SLC7A2: variants seen among roughly 807,000 people sequenced by gnomAD.
The protein encoded by SLC7A2 is cationic amino acid transporter 2.
In SLC7A2, 48 loss-of-function variants were observed where a neutral mutation model predicts 58.9. The ratio of observed to expected loss-of-function variants is 0.82; its 90% confidence interval spans 0.65 to 1.04. The LOEUF (loss-of-function observed/expected upper bound fraction) is 1.04, where lower values mean the gene tolerates loss of function less well. Among genes scored for constraint, SLC7A2 ranks in the 50% least tolerant of loss-of-function variants. The pLI is 0.00. For missense variants in SLC7A2, 1,029 were observed against 818.8 expected, an observed-to-expected ratio of 1.26 and a Z score of -3.13; for synonymous variants, 363 against 314.5, an observed-to-expected ratio of 1.15 and a Z score of -1.63.
intron 6 of SLC7A2, among the ~76,000 whole-genome samples, chr8:17,551,427 A>T (rs1802444375): frequency 6.6e-6 from 1 of 152,062 alleles, no homozygotes; most frequent in South Asian, 2.1e-4. Flanking sequence ...GGTGCAAACC[A>T]TCTCTACTAA....
chr8:17,554,848 G>A (rs1037669347), intron 8 of SLC7A2, 149 bp downstream of exon 8: 50 of 1,473,370 alleles, frequency 3.4e-5, no homozygotes, highest in Non-Finnish European at 4.6e-5. Flanking sequence ...GAATTTTTTG[G>A]TTCTGCATTT....
chr8:17,516,257 G>T (rs62497989), intron 2 of SLC7A2, among the ~76,000 whole-genome samples: 1 of 150,912 alleles, frequency 6.6e-6, no homozygotes, highest in African/African-American at 2.4e-5. Context: ...ATGGAATCTC[G>T]CTCTGTCGCC....
Position 17,566,957 on chromosome 8 carries a change from G to A in SLC7A2, c.*1811G>A, listed in dbSNP as rs1271351543. ...TATTGATGCCATTAAAAAGCAAGTT[G>A]CGATGGTTTTGTATAGCCAGGAGTT... is the stretch of plus-strand genomic sequence containing the variant. On this transcript the variant is annotated 3_prime_UTR_variant, in exon 13 of 13. Coordinates refer to ENST00000494857, the MANE Select transcript of SLC7A2 (RefSeq NM_001370338.1). 1 of 152,702 alleles carries A rather than the reference G, an allele frequency of 6.5e-6. No individual in the cohort carries two copies. The highest frequency in any genetic ancestry group is 6.5e-5 in the Admixed American group (1 of 15,284). 9.5% of individuals were successfully genotyped at this position (152,702 alleles called of 1,614,324 possible).
intron 2 of SLC7A2, among the ~76,000 whole-genome samples, chr8:17,542,446 T>C (rs1449036913): frequency 6.6e-6 from 1 of 152,124 alleles, no homozygotes; most frequent in Non-Finnish European, 1.5e-5. Flanking sequence ...AGCCCATGAA[T>C]TCAAGACCAG....
chr8:17,538,886 C>T, intron 2 of SLC7A2: 1 of 1,613,744 alleles, frequency 6.2e-7, no homozygotes, highest in South Asian at 1.1e-5. Flanking sequence ...TTTATTGGAA[C>T]ACCTGCCCCA....
At position 17,569,657 on chromosome 8, in the gene SLC7A2, T is replaced by C. The variant is rs542876251; in HGVS notation, c.*4511T>C. On this transcript the variant is annotated 3_prime_UTR_variant, in exon 13 of 13. Coordinates refer to ENST00000494857, the MANE Select transcript of SLC7A2 (RefSeq NM_001370338.1). ...TTATTGTTGTGGTTGTTGGTGTTTGTAATATTCATTATTGTTTGTATATAC... is the reference window on the plus strand; with the variant it reads ...TTATTGTTGTGGTTGTTGGTGTTTGCAATATTCATTATTGTTTGTATATAC... 9.8e-5 allele frequency: 15 copies of C among 152,344 alleles called. No homozygotes were observed. Among genetic ancestry groups the C allele is most frequent in the Admixed American group, 2.6e-4 (4 of 15,298 alleles). The allele number at this position is 152,344 out of a possible 1,614,324, so 9.4% of individuals were successfully genotyped here.
chr8:17,543,449 T>C lies in SLC7A2; in HGVS notation c.110T>C (p.Met37Thr). 3 of 1,614,152 alleles carry C rather than the reference T, an allele frequency of 1.9e-6. No individual in the cohort carries two copies. Among genetic ancestry groups the C allele is most frequent in the Non-Finnish European group, 2.5e-6 (3 of 1,180,036 alleles). Reference protein sequence around the residue: ...DTKLCRCLSTMDLIALGVGST... With the variant: ...DTKLCRCLSTTDLIALGVGST... ...AAATTATGCCGCTGCTTATCCACCA[T>C]GGACCTCATTGCCCTGGGCGTTGGA... Residue 37 changes from methionine to threonine, a missense_variant, in exon 3 of 13, where the codon ATG (methionine) becomes ACG (threonine). Transcript: ENST00000494857.
chr8:17,518,618 CAACAA>C (rs146231875), intron 2 of SLC7A2, among the ~76,000 whole-genome samples: 105,318 of 151,494 alleles, frequency 0.7, 38,384 homozygotes, highest in Non-Finnish European at 0.8. Context: ...TCAGTGGCCA[CAACAA>C]AACAAAACCA....
chr8:17,532,380 T>G (rs1362446578), intron 2 of SLC7A2, among the ~76,000 whole-genome samples: 1 of 151,728 alleles, frequency 6.6e-6, no homozygotes, highest in Non-Finnish European at 1.5e-5. Flanking sequence ...TCCCCTCCTG[T>G]GTGTGCCAGT....
In SLC7A2 at chr8:17,530,472, G is replaced by C. The variant is rs74397582; in HGVS notation, c.-22-12846G>C. The stretch of plus-strand genomic sequence containing the variant: ...GAATAGCAACATGCAGGGCTAGAAA[G>C]CCAGGCTGGGGCCAGGTCACAGAGG... On this transcript the variant is annotated intron_variant, in intron 2 of 12. Coordinates refer to ENST00000494857, the MANE Select transcript of SLC7A2 (RefSeq NM_001370338.1). Among the ~76,000 whole-genome samples, 1,361 of 152,280 alleles carry C rather than the reference G, an allele frequency of 8.9e-3. 23 individuals carry two copies. The highest frequency in any genetic ancestry group is 0.031 in the African/African-American group (1,293 of 41,562).
chr8:17,569,942 G>A lies in SLC7A2; in HGVS notation c.*4796G>A, dbSNP rs1313220689. 1 of 152,204 alleles carries A rather than the reference G, an allele frequency of 6.6e-6. No individual in the cohort carries two copies. Among genetic ancestry groups the A allele is most frequent in the African/African-American group, 2.4e-5 (1 of 41,436 alleles). 9.4% of individuals were successfully genotyped at this position (152,204 alleles called of 1,614,324 possible). A position where few individuals can be genotyped will look rare whatever the true frequency, so the allele number is the denominator to read the frequency against. ...GCTACCCTTGTTGGGTGGGCTCTTA[G>A]ACTGATGGGGTAGGATATGAAGTGA... On this transcript the variant is annotated 3_prime_UTR_variant, in exon 13 of 13. Transcript: ENST00000494857.
Position 17,521,570 on chromosome 8 carries a change from C to A in SLC7A2, c.-23+19268C>A, listed in dbSNP as rs10106385. 5.2e-3 allele frequency among the ~76,000 whole-genome samples: 793 copies of A among 152,318 alleles called. 9 individuals are homozygous for A. The highest frequency in any genetic ancestry group is 0.018 in the African/African-American group (768 of 41,556). On this transcript the variant is annotated intron_variant, in intron 2 of 12. Transcript: ENST00000494857. Reference sequence around the variant, plus strand: ...GGAATTCCATCCTGGATCAGACCACCCAGTGAAGACAGCCGTGGCAGGAGC... The same window carrying A: ...GGAATTCCATCCTGGATCAGACCACACAGTGAAGACAGCCGTGGCAGGAGC...
At chr8:17,539,258 T>C (rs2150730324) in intron 2 of SLC7A2, among the ~76,000 whole-genome samples, 1 of 152,290 alleles carries the variant, frequency 6.6e-6, no homozygotes, top group East Asian at 1.9e-4. Context: ...ATTTAGCTTT[T>C]TGGCAAGAAT....
chr8:17,501,474 T>C (rs897263008), intron 1 of SLC7A2, among the ~76,000 whole-genome samples: 2 of 152,202 alleles, frequency 1.3e-5, no homozygotes, highest in Non-Finnish European at 1.5e-5. Context: ...GTCTCTTATT[T>C]AGACTTTTAG....
chr8:17,520,221 T>C (rs1800959468), intron 2 of SLC7A2, among the ~76,000 whole-genome samples: 1 of 152,310 alleles, frequency 6.6e-6, no homozygotes, highest in African/African-American at 2.4e-5. Context: ...ACTTTTTTAT[T>C]GTGACATATG....
intron 2 of SLC7A2, among the ~76,000 whole-genome samples, chr8:17,530,483 G>A (rs1208444850): frequency 1.4e-4 from 22 of 152,210 alleles, no homozygotes; most frequent in Admixed American, 1.4e-3. Flanking sequence ...CCAGGCTGGG[G>A]CCAGGTCACA....
At chr8:17,523,871 A>C (rs1801115000) in intron 2 of SLC7A2, among the ~76,000 whole-genome samples, 1 of 152,190 alleles carries the variant, frequency 6.6e-6, no homozygotes, top group Admixed American at 6.5e-5. Flanking sequence ...CATCTGACAA[A>C]GGACTAATAT....
intron 7 of SLC7A2, among the ~76,000 whole-genome samples, chr8:17,553,981 G>A (rs1405372646): frequency 2.0e-5 from 3 of 152,146 alleles, no homozygotes; most frequent in African/African-American, 7.2e-5. Context: ...CTACATTTAC[G>A]TAAATTGATC....
intron 2 of SLC7A2, among the ~76,000 whole-genome samples, chr8:17,540,222 T>A (rs1048955119): frequency 2.0e-5 from 3 of 152,194 alleles, no homozygotes; most frequent in Non-Finnish European, 4.4e-5. Context: ...TCCCATCTCA[T>A]TATAGTCCTA....
Sources: gnomAD v4.1 joint callset for allele counts (sites outside exome capture counted in the v4.1 genomes callset) on GRCh38, gnomAD v4.1.1 for gene constraint, MANE v1.5 for transcripts, NCBI Gene and HGNC (gene_info 2026-07-23, HGNC 2026-07-21) for gene names.